AGBL1: variants seen among roughly 807,000 people sequenced by gnomAD.
AGBL1 encodes the protein cytosolic carboxypeptidase 4.
AGBL1 carries 130 observed loss-of-function variants against 118.9 expected under a neutral mutation model. That is an observed-to-expected ratio of 1.09 (90% CI 0.95 to 1.26). The LOEUF (loss-of-function observed/expected upper bound fraction) is 1.26, where lower values mean the gene tolerates loss of function less well. AGBL1 is among the 50% of genes most tolerant of loss of function. The pLI is 0.00. For synonymous variants in AGBL1, 555 were observed against 478.9 expected, an observed-to-expected ratio of 1.16 and a Z score of -2.08; for missense variants, 1,584 against 1,298.1, an observed-to-expected ratio of 1.22 and a Z score of -3.38.
At chr15:86,989,649 A>G (rs1057076190) in intron 24 of AGBL1, among the ~76,000 whole-genome samples, 2 of 152,198 alleles carry the variant, frequency 1.3e-5, no homozygotes, top group Non-Finnish European at 2.9e-5. Context: ...AATGGTGATA[A>G]AGATTTTATT....
chr15:86,656,735 C>G (rs1392565786), intron 21 of AGBL1, among the ~76,000 whole-genome samples: 1 of 152,120 alleles, frequency 6.6e-6, no homozygotes, highest in African/African-American at 2.4e-5. Flanking sequence ...TTTACACCCC[C>G]TGAGCTCCCT....
chr15:86,702,257 A>G (rs1053441481), intron 22 of AGBL1, among the ~76,000 whole-genome samples: 1 of 152,156 alleles, frequency 6.6e-6, no homozygotes, highest in African/African-American at 2.4e-5. Flanking sequence ...AAAGGAACTG[A>G]CAAGCAATGT....
chr15:86,181,187 A>G (rs2077547760), intron 5 of AGBL1, among the ~76,000 whole-genome samples: 1 of 152,092 alleles, frequency 6.6e-6, no homozygotes, highest in South Asian at 2.1e-4. Flanking sequence ...TAGAAATGAA[A>G]GCATATATCC....
Position 86,560,314 on chromosome 15 carries a change from G to C in AGBL1, c.2994+5777G>C, listed in dbSNP as rs184190105. ...CCTCCCCACCCCCGCAACAGTCCCC[G>C]GTGTGTGATGTTCCCCTTCCTGTGT... On this transcript the variant is annotated intron_variant, in intron 21 of 22. Coordinates refer to ENST00000614907, the MANE Select transcript of AGBL1 (RefSeq NM_001386094.1). 1.8e-3 allele frequency among the ~76,000 whole-genome samples: 153 copies of C among 84,432 alleles called. 1 individual carries two copies. Among genetic ancestry groups the C allele is most frequent in the African/African-American group, 6.6e-3 (145 of 21,836 alleles). 55.4% of individuals were successfully genotyped at this position (84,432 alleles called of 152,430 possible). A position where few individuals can be genotyped will look rare whatever the true frequency, so the allele number is the denominator to read the frequency against.
intron 23 of AGBL1, among the ~76,000 whole-genome samples, chr15:86,972,288 A>G (rs1424489501): frequency 2.0e-5 from 3 of 151,980 alleles, no homozygotes; most frequent in East Asian, 1.9e-4. Context: ...TTTCACAGAT[A>G]CAACATTTGG....
At chr15:86,931,587 C>CTGCTGCTGT (rs1230907085) in intron 23 of AGBL1, among the ~76,000 whole-genome samples, 2 of 67,964 alleles carry the variant, frequency 2.9e-5, no homozygotes, top group African/African-American at 6.5e-5. Flanking sequence ...GCTGCTGCTG[C>CTGCTGCTGT]TGCTGCTGCT....
intron 21 of AGBL1, among the ~76,000 whole-genome samples, chr15:86,653,311 C>T (rs1250453162): frequency 6.6e-6 from 1 of 152,130 alleles, no homozygotes; most frequent in Admixed American, 6.6e-5. Flanking sequence ...TCCTTCAGTG[C>T]CTGCTCCTTT....
chr15:86,567,572 G>A (rs758392839), intron 21 of AGBL1, among the ~76,000 whole-genome samples: 13 of 152,160 alleles, frequency 8.5e-5, no homozygotes, highest in Non-Finnish European at 1.8e-4. Flanking sequence ...CTAATTATGA[G>A]CACAACTCAA....
At chr15:87,003,338 A>G (rs2081460999) in intron 24 of AGBL1, among the ~76,000 whole-genome samples, 1 of 151,336 alleles carries the variant, frequency 6.6e-6, no homozygotes, top group Non-Finnish European at 1.5e-5. Flanking sequence ...CCACTTGATC[A>G]TGGTGGATAA....
intron 18 of AGBL1, among the ~76,000 whole-genome samples, chr15:86,483,304 C>T (rs1382350231): frequency 3.3e-5 from 5 of 151,998 alleles, no homozygotes; most frequent in African/African-American, 4.8e-5. Context: ...GCAAGGAATG[C>T]TAGTTGGTAG....
intron 21 of AGBL1, among the ~76,000 whole-genome samples, chr15:86,667,296 G>A (rs1358634026): frequency 6.6e-6 from 1 of 150,792 alleles, no homozygotes; most frequent in Admixed American, 6.6e-5. Flanking sequence ...TTGGCTTGCT[G>A]CCCTGTTTAT....
intron 23 of AGBL1, among the ~76,000 whole-genome samples, chr15:86,966,301 A>T (rs968281633): frequency 1.3e-5 from 2 of 151,228 alleles, no homozygotes; most frequent in African/African-American, 4.9e-5. Flanking sequence ...TTTTAACAGA[A>T]ATCCTCATTC....
rs1345254257 is a variant in AGBL1 at position 86,915,047 on chromosome 15, ACTGT to A, written c.*7757_*7760del. Reference sequence around the variant, plus strand: ...TATTTGTGTGCCAGATGCAGAGCTCACTGTCTGGCCGAGGCAGGTACTCAGATCT... The same window carrying A: ...TATTTGTGTGCCAGATGCAGAGCTCACTGGCCGAGGCAGGTACTCAGATCT... On this transcript the variant is annotated 3_prime_UTR_variant, in exon 23 of 23. Transcript: ENST00000614907. 3 of 152,300 alleles carry A rather than the reference ACTGT, an allele frequency of 2.0e-5. No homozygotes were observed. The highest frequency in any genetic ancestry group is 2.1e-4 in the South Asian group (1 of 4,830). The allele number at this position is 152,300 out of a possible 1,614,324, so 9.4% of individuals were successfully genotyped here.
rs370784554 is a variant in AGBL1 at position 86,180,177 on chromosome 15, G to A, written c.488+21151G>A. 2.6e-4 allele frequency among the ~76,000 whole-genome samples: 40 copies of A among 152,150 alleles called. 1 individual carries two copies. The East Asian group carries it at 6.0e-3, about 23-fold the overall frequency. ...TGAAAATTGTGAAGGCTTTCTGTAT[G>A]TTGTGGAAACTGATACATTGATTAT... is the stretch of plus-strand genomic sequence containing the variant. On this transcript the variant is annotated intron_variant, in intron 5 of 22. Coordinates refer to ENST00000614907, the MANE Select transcript of AGBL1 (RefSeq NM_001386094.1).
intron 17 of AGBL1, among the ~76,000 whole-genome samples, chr15:86,381,202 T>G (rs1478353088): frequency 6.6e-6 from 1 of 152,218 alleles, no homozygotes; most frequent in African/African-American, 2.4e-5. Context: ...GATATTTAAT[T>G]TATGAGTGAC....
intron 21 of AGBL1, among the ~76,000 whole-genome samples, chr15:86,644,098 T>G (rs2085236624): frequency 6.6e-6 from 1 of 152,242 alleles, no homozygotes; most frequent in Non-Finnish European, 1.5e-5. Context: ...TGTATGTCTA[T>G]TCACTTTATA....
chr15:86,665,624 T>G (rs2142527635), intron 21 of AGBL1, among the ~76,000 whole-genome samples: 1 of 152,298 alleles, frequency 6.6e-6, no homozygotes, highest in African/African-American at 2.4e-5. Context: ...ATCTAATCAT[T>G]AATATTTTCC....
intron 4 of AGBL1, among the ~76,000 whole-genome samples, chr15:86,154,944 C>A (rs1445708548): frequency 6.6e-6 from 1 of 152,132 alleles, no homozygotes; most frequent in Admixed American, 6.6e-5. Context: ...GAATGACTCT[C>A]ACATCACAAA....
At chr15:86,172,277 A>G (rs2077426786) in intron 5 of AGBL1, among the ~76,000 whole-genome samples, 1 of 152,234 alleles carries the variant, frequency 6.6e-6, no homozygotes, top group South Asian at 2.1e-4. Context: ...AGCACATGTG[A>G]TATTTTGATA....
Sources: allele counts gnomAD v4.1 joint callset (sites outside exome capture counted in the v4.1 genomes callset), GRCh38; gene constraint gnomAD v4.1.1; transcripts MANE v1.5; gene names NCBI Gene and HGNC (gene_info 2026-07-23, HGNC 2026-07-21).